Variants in AEBP2 observed in about 807,000 individuals in gnomAD.
The protein encoded by AEBP2 is AE binding protein 2.
In AEBP2, 10 loss-of-function variants were observed where a neutral mutation model predicts 50.8. The ratio of observed to expected loss-of-function variants is 0.20; its 90% confidence interval spans 0.12 to 0.33. The LOEUF (loss-of-function observed/expected upper bound fraction) is 0.33. Ranked by LOEUF, AEBP2 falls within the 10% of genes least tolerant of loss-of-function variation. The pLI, the probability that AEBP2 is intolerant of heterozygous loss-of-function variation, is 1.00. For synonymous variants in AEBP2, 296 were observed against 261.3 expected (o/e 1.13, Z -1.28); for missense variants, 570 against 688.0 (o/e 0.83, Z 1.92).
chr12:19,488,410 G>T (rs1271464271), intron 3 of AEBP2, among the ~76,000 whole-genome samples: 6 of 151,672 alleles, frequency 4.0e-5, no homozygotes, highest in Admixed American at 4.0e-4. Context: ...TTACAGGCGT[G>T]AGTCATCGCT....
intron 2 of AEBP2, among the ~76,000 whole-genome samples, chr12:19,472,506 C>T (rs147116230): frequency 2.0e-5 from 3 of 152,212 alleles, no homozygotes; most frequent in African/African-American, 7.2e-5. Context: ...TACCCTGAAC[C>T]TAGAATGTGG....
chr12:19,471,751 G>C (rs1411844485), intron 2 of AEBP2, among the ~76,000 whole-genome samples: 1 of 151,796 alleles, frequency 6.6e-6, no homozygotes, highest in African/African-American at 2.4e-5. Context: ...GGCTGGTCTC[G>C]AACTCCTGAG....
chr12:19,419,359 G>A (rs1195868215), intron 1 of AEBP2, among the ~76,000 whole-genome samples: 2 of 152,158 alleles, frequency 1.3e-5, no homozygotes, highest in African/African-American at 4.8e-5. Context: ...GGAGGCCCAA[G>A]CTGGCGGATC....
chr12:19,419,781 T>A (rs2095744586), intron 1 of AEBP2, among the ~76,000 whole-genome samples: 1 of 150,428 alleles, frequency 6.6e-6, no homozygotes, highest in Non-Finnish European at 1.5e-5. Context: ...AATACAAAAA[T>A]TAGCCGGGCG....
At chr12:19,417,279 A>G (rs540490006) in intron 1 of AEBP2, among the ~76,000 whole-genome samples, 20 of 152,346 alleles carry the variant, frequency 1.3e-4, no homozygotes, top group African/African-American at 4.6e-4. Context: ...TACACGCCGT[A>G]CAACTTTCTT....
intron 1 of AEBP2, among the ~76,000 whole-genome samples, chr12:19,434,072 C>T (rs764348367): frequency 2.5e-4 from 38 of 151,952 alleles, no homozygotes; most frequent in Non-Finnish European, 4.9e-4. Flanking sequence ...GTCTCGATCT[C>T]CTGACCTTGT....
upstream of AEBP2, among the ~76,000 whole-genome samples, chr12:19,435,996 T>C (rs920553152): frequency 1.3e-5 from 2 of 152,148 alleles, no homozygotes; most frequent in Non-Finnish European, 2.9e-5. Context: ...TGAAACCTAC[T>C]GGGCTGCATT....
chr12:19,457,543 T>C, intron 1 of AEBP2: 1 of 1,483,226 alleles, frequency 6.7e-7, no homozygotes, highest in Non-Finnish European at 9.1e-7. Context: ...ATGGTTCTTT[T>C]GTTGATGCTA....
chr12:19,465,791 C>CTTTTTTTTTTTTTT (rs11284427), intron 2 of AEBP2, among the ~76,000 whole-genome samples: 1 of 107,686 alleles, frequency 9.3e-6, no homozygotes, highest in Non-Finnish European at 1.9e-5. Context: ...ATTGTTTTTT[C>CTTTTTTTTTTTTTT]TTTTTTTTTT....
chr12:19,423,698 G>A (rs772313406), intron 1 of AEBP2, among the ~76,000 whole-genome samples: 3 of 151,998 alleles, frequency 2.0e-5, no homozygotes, highest in African/African-American at 4.8e-5. Context: ...GAGAGGGGCC[G>A]GGCACCATGG....
chr12:19,509,937 A>G (rs1040595791), intron 5 of AEBP2, among the ~76,000 whole-genome samples: 1 of 142,890 alleles, frequency 7.0e-6, no homozygotes, highest in African/African-American at 2.6e-5. Flanking sequence ...GGTTTAAGCA[A>G]TTCTCCTGCC....
chr12:19,430,015 C>G (rs1488811741), intron 1 of AEBP2, among the ~76,000 whole-genome samples: 1 of 152,048 alleles, frequency 6.6e-6, no homozygotes, highest in African/African-American at 2.4e-5. Flanking sequence ...CTTTTGTTGC[C>G]ATTGCTTTTG....
At chr12:19,413,351 A>G in intron 1 of AEBP2, 1 of 1,058,194 alleles carries the variant, frequency 9.5e-7, no homozygotes, top group Non-Finnish European at 1.5e-6. Flanking sequence ...GTGTCAGAAC[A>G]AGGTTTAATA....
At chr12:19,423,798 G>A (rs1158231109) in intron 1 of AEBP2, among the ~76,000 whole-genome samples, 3 of 152,046 alleles carry the variant, frequency 2.0e-5, no homozygotes, top group East Asian at 1.9e-4. Context: ...CCGAGATTGC[G>A]CCACTGCGCT....
chr12:19,479,640 G>T (rs7298006), intron 3 of AEBP2, among the ~76,000 whole-genome samples: 64,448 of 149,412 alleles, frequency 0.43, 14,855 homozygotes, highest in Non-Finnish European at 0.54. Context: ...GCTCCAGTTG[G>T]GTGCATATAT....
chr12:19,435,372 C>G (rs1280568569), upstream of AEBP2, among the ~76,000 whole-genome samples: 3 of 151,990 alleles, frequency 2.0e-5, no homozygotes, highest in African/African-American at 7.3e-5. Flanking sequence ...CCTCCACCTC[C>G]CGGGTTCAAG....
intron 4 of AEBP2, 102 bp downstream of exon 4, chr12:19,494,088 A>G (rs572504165): frequency 1.5e-6 from 2 of 1,303,364 alleles, no homozygotes; most frequent in Admixed American, 5.3e-5. Flanking sequence ...CTTCTATTAA[A>G]AGTAACAAAC....
chr12:19,444,298 T>C (rs1198857349), intron 1 of AEBP2, among the ~76,000 whole-genome samples: 5 of 152,374 alleles, frequency 3.3e-5, no homozygotes, highest in Admixed American at 3.3e-4. Context: ...CGTGTATTTA[T>C]GCTAAAAAAG....
At chr12:19,454,266 T>G (rs1017317203) in intron 1 of AEBP2, among the ~76,000 whole-genome samples, 1 of 151,910 alleles carries the variant, frequency 6.6e-6, no homozygotes, top group Non-Finnish European at 1.5e-5. Flanking sequence ...GTTTATTGAC[T>G]TTAATTGTTT....
Sources: gnomAD v4.1 joint callset for allele counts (sites outside exome capture counted in the v4.1 genomes callset) on GRCh38, gnomAD v4.1.1 for gene constraint, MANE v1.5 for transcripts, NCBI Gene and HGNC (gene_info 2026-07-23, HGNC 2026-07-21) for gene names.